CDH13: variants seen among roughly 807,000 people sequenced by gnomAD.
The protein encoded by CDH13 is cadherin-13.
In CDH13, 24 loss-of-function variants were observed where a neutral mutation model predicts 63.8. The observed-to-expected ratio is 0.38, with a 90% CI of 0.27 to 0.53. The LOEUF is 0.53. CDH13 is among the 20% of genes least tolerant of loss of function. The pLI is 0.85. For missense variants in CDH13, 1,049 were observed against 903.1 expected, an observed-to-expected ratio of 1.16 and a Z score of -2.07; for synonymous variants, 503 against 355.3, an observed-to-expected ratio of 1.42 and a Z score of -4.67.
At chr16:83,614,821 A>G (rs1909153024) in intron 8 of CDH13, among the ~76,000 whole-genome samples, 1 of 152,196 alleles carries the variant, frequency 6.6e-6, no homozygotes, top group Non-Finnish European at 1.5e-5. Flanking sequence ...TAAAATGTGG[A>G]GAAATATAAT....
At chr16:83,753,540 C>T (rs985408678) in intron 11 of CDH13, among the ~76,000 whole-genome samples, 42 of 151,682 alleles carry the variant, frequency 2.8e-4, no homozygotes, top group African/African-American at 8.2e-4. Context: ...AATGAGACCC[C>T]GTCTCAAAAA....
rs190490711 is a variant in CDH13 at position 82,670,317 on chromosome 16, T to A, written c.45+43180T>A. On this transcript the variant is annotated intron_variant, in intron 1 of 13. Transcript: ENST00000567109. ...GTAGGCGACTTAGAACAATGGCTGC[T>A]CTTAAGAGGGAACAATTTAGAGCGA... Among the ~76,000 whole-genome samples the A allele has an allele frequency of 1.8e-3, 269 of 152,328 alleles. 3 individuals are homozygous for A. The highest frequency in any genetic ancestry group is 0.013 in the Admixed American group (201 of 15,302).
chr16:83,364,370 G>C (rs2091219637), intron 6 of CDH13, among the ~76,000 whole-genome samples: 1 of 152,180 alleles, frequency 6.6e-6, no homozygotes, highest in Non-Finnish European at 1.5e-5. Context: ...GCAAGATACA[G>C]AGCCATGATT....
At chr16:82,629,641 C>T (rs573074603) in intron 1 of CDH13, among the ~76,000 whole-genome samples, 6 of 152,292 alleles carry the variant, frequency 3.9e-5, no homozygotes, top group South Asian at 4.1e-4. Flanking sequence ...TGTAAAGCAT[C>T]GGGTCTGGCT....
At chr16:82,713,982 C>G (rs758375665) in intron 1 of CDH13, among the ~76,000 whole-genome samples, 1 of 152,026 alleles carries the variant, frequency 6.6e-6, no homozygotes, top group Non-Finnish European at 1.5e-5. Context: ...TCACTCTTGT[C>G]GCCTAGGCTG....
intron 5 of CDH13, among the ~76,000 whole-genome samples, chr16:83,247,486 G>A (rs1271254760): frequency 1.5e-5 from 1 of 67,080 alleles, no homozygotes; most frequent in Non-Finnish European, 2.9e-5. Context: ...TGAAGCCCAT[G>A]CTGTCACCAC....
intron 5 of CDH13, among the ~76,000 whole-genome samples, chr16:83,303,338 G>T (rs996588028): frequency 4.6e-5 from 7 of 152,218 alleles, no homozygotes; most frequent in African/African-American, 1.7e-4. Context: ...AGTAGGTCCA[G>T]ATGCTTATAC....
intron 5 of CDH13, among the ~76,000 whole-genome samples, chr16:83,276,235 A>G (rs986459669): frequency 2.0e-5 from 3 of 152,060 alleles, no homozygotes; most frequent in African/African-American, 7.2e-5. Context: ...TATCAAGCTG[A>G]TATCTGTTTT....
At chr16:83,617,771 C>T (rs1169225778) in intron 8 of CDH13, among the ~76,000 whole-genome samples, 2 of 151,688 alleles carry the variant, frequency 1.3e-5, no homozygotes, top group African/African-American at 4.8e-5. Flanking sequence ...TATATCTATT[C>T]TATTCTAATA....
rs149855680 is a variant in CDH13 at position 83,135,009 on chromosome 16, T to A, written c.483+9508T>A. Among the ~76,000 whole-genome samples, 117 of 152,228 alleles carry A rather than the reference T, an allele frequency of 7.7e-4. 1 individual carries two copies. Among genetic ancestry groups the A allele is most frequent in the Non-Finnish European group, 1.3e-3 (87 of 68,040 alleles). On this transcript the variant is annotated intron_variant, in intron 4 of 13. Coordinates refer to ENST00000567109, the MANE Select transcript of CDH13 (RefSeq NM_001257.5). ...CAGACTGAATTTATATTTAATTATTTGTGAACATTCAAGGACCAGGCATTT... is the reference window on the plus strand; with the variant it reads ...CAGACTGAATTTATATTTAATTATTAGTGAACATTCAAGGACCAGGCATTT...
chr16:83,148,720 G>C (rs2036854618), intron 4 of CDH13, among the ~76,000 whole-genome samples: 1 of 152,198 alleles, frequency 6.6e-6, no homozygotes, highest in Non-Finnish European at 1.5e-5. Flanking sequence ...TTGTACGTAG[G>C]AGTTTTAGCA....
At chr16:83,041,251 CAAAG>C (rs952307940) in intron 3 of CDH13, among the ~76,000 whole-genome samples, 8 of 151,916 alleles carry the variant, frequency 5.3e-5, no homozygotes, top group African/African-American at 1.5e-4. Flanking sequence ...AAAAATAAAA[CAAAG>C]AAGAAAAGTT....
intron 6 of CDH13, among the ~76,000 whole-genome samples, chr16:83,356,911 C>G (rs2091067984): frequency 1.3e-5 from 2 of 152,174 alleles, no homozygotes; most frequent in Non-Finnish European, 2.9e-5. Flanking sequence ...AGAAGACTGG[C>G]TCTTTTCAAA....
intron 4 of CDH13, among the ~76,000 whole-genome samples, chr16:83,205,348 G>A (rs2039152303): frequency 6.6e-6 from 1 of 152,128 alleles, no homozygotes; most frequent in Non-Finnish European, 1.5e-5. Flanking sequence ...GGCAATTTGG[G>A]GGGTTTGGGC....
intron 2 of CDH13, among the ~76,000 whole-genome samples, chr16:82,886,874 C>A (rs560787415): frequency 2.0e-5 from 3 of 152,106 alleles, no homozygotes; most frequent in African/African-American, 7.2e-5. Flanking sequence ...TTTCCTTGTC[C>A]TTCTAAGTCA....
intron 5 of CDH13, among the ~76,000 whole-genome samples, chr16:83,315,780 A>T (rs943726591): frequency 5.3e-5 from 8 of 152,120 alleles, no homozygotes; most frequent in Non-Finnish European, 7.3e-5. Context: ...CTAAATTATT[A>T]GTGTGCTTGT....
intron 5 of CDH13, among the ~76,000 whole-genome samples, chr16:83,270,625 T>C (rs16960052): frequency 0.11 from 17,379 of 152,078 alleles, 1,288 homozygotes; most frequent in African/African-American, 0.2. Context: ...TATGTGTGCA[T>C]GAAGGCCCTC....
At chr16:82,867,915 T>TGATA (rs148193517) in intron 2 of CDH13, among the ~76,000 whole-genome samples, 50 of 149,622 alleles carry the variant, frequency 3.3e-4, no homozygotes, top group African/African-American at 1.1e-3. Context: ...TTCTCTATCT[T>TGATA]GAGAACTTCC....
At chr16:83,246,254 G>C (rs1904980539) in intron 5 of CDH13, among the ~76,000 whole-genome samples, 1 of 152,144 alleles carries the variant, frequency 6.6e-6, no homozygotes, top group South Asian at 2.1e-4. Flanking sequence ...AAATTCACCT[G>C]TGGGAAATTT....
Sources: allele counts gnomAD v4.1 joint callset (sites outside exome capture counted in the v4.1 genomes callset), GRCh38; gene constraint gnomAD v4.1.1; transcripts MANE v1.5; gene names NCBI Gene and HGNC (gene_info 2026-07-23, HGNC 2026-07-21).